The following WDR44 variants were observed in gnomAD, a reference collection of about 807,000 sequenced individuals.
WDR44 encodes the protein WD repeat domain 44.
WDR44 carries 9 observed loss-of-function variants against 65.7 expected under a neutral mutation model. That is an observed-to-expected ratio of 0.14 (90% confidence interval 0.08 to 0.24). The LOEUF (loss-of-function observed/expected upper bound fraction) is 0.24. WDR44 is among the 10% of genes least tolerant of loss of function. WDR44 has a pLI of 1.00. For missense variants in WDR44, 425 were observed against 670.9 expected, an observed-to-expected ratio of 0.63 and a Z score of 4.05; for synonymous variants, 220 against 235.2, an observed-to-expected ratio of 0.94 and a Z score of 0.59.
chrX:118,383,238 C>T (rs1211649472), intron 2 of WDR44, among the ~76,000 whole-genome samples: 3 of 111,618 alleles, frequency 2.7e-5, no homozygotes, highest in African/African-American at 6.5e-5. Flanking sequence ...AAATAGAAGT[C>T]TGATCACTGC....
intron 1 of WDR44, among the ~76,000 whole-genome samples, chrX:118,363,763 T>C (rs2147669467): frequency 8.9e-6 from 1 of 112,572 alleles, no homozygotes; most frequent in African/African-American, 3.2e-5. Flanking sequence ...TTTAACTGTA[T>C]ATACTTTCTA....
chrX:118,424,339 A>ATG (rs1556124706), intron 12 of WDR44, among the ~76,000 whole-genome samples: 7 of 85,309 alleles, frequency 8.2e-5, no homozygotes, highest in Admixed American at 2.8e-4. Context: ...ATATATATAT[A>ATG]TATATATATG....
At chrX:118,417,707 T>G (rs1255359271) in intron 12 of WDR44, among the ~76,000 whole-genome samples, 1 of 112,113 alleles carries the variant, frequency 8.9e-6, no homozygotes, top group Admixed American at 9.5e-5. Flanking sequence ...TCTTTGTGCT[T>G]CTTGTATTTG....
Position 118,421,309 on chromosome X carries a change from C to G in WDR44, c.1737+10350C>G, listed in dbSNP as rs889179053. ...GATCCTCAGCTACATCCATCTAACCCCAAACAGACCTAAGTAACTCACAAT... is the reference window on the plus strand; with the variant it reads ...GATCCTCAGCTACATCCATCTAACCGCAAACAGACCTAAGTAACTCACAAT... On this transcript the variant is annotated intron_variant, in intron 12 of 19. Transcript: ENST00000254029. Among the ~76,000 whole-genome samples, 4 of 112,036 alleles carry G rather than the reference C, an allele frequency of 3.6e-5. No individual in the cohort carries two copies. In the South Asian group the frequency reaches 1.5e-3, roughly 41 times the overall value.
At chrX:118,424,333 A>ACATATATG (rs2057137010) in intron 12 of WDR44, among the ~76,000 whole-genome samples, 2 of 88,353 alleles carry the variant, frequency 2.3e-5, no homozygotes, top group Admixed American at 2.7e-4. Flanking sequence ...GTATATATAT[A>ACATATATG]TATATATATA....
chrX:118,443,518 C>T (rs1297833974), intron 17 of WDR44, 42 bp from the exon 18 acceptor site: 3 of 1,195,067 alleles, frequency 2.5e-6, no homozygotes, highest in East Asian at 3.0e-5. Flanking sequence ...AACATATACA[C>T]ACACACATTT....
intron 1 of WDR44, among the ~76,000 whole-genome samples, chrX:118,356,726 T>C: frequency 1.1e-5 from 1 of 94,297 alleles, no homozygotes; most frequent in Admixed American, 1.2e-4. Flanking sequence ...GATTGAACAA[T>C]TTGTAATAAT....
chrX:118,432,821 C>G lies in WDR44; in HGVS notation c.1778C>G (p.Ala593Gly). 4 of 1,211,529 alleles carry G rather than the reference C, an allele frequency of 3.3e-6. No individual in the cohort carries two copies. The highest frequency in any genetic ancestry group is 4.5e-6 in the Non-Finnish European group (4 of 895,113). The stretch of plus-strand genomic sequence containing the variant: ...GATGAAGACCCTGATGATAAAAACG[C>G]ACCCTTTCGGCAACGGCCATTTTGC... Reference protein sequence around the residue: ...GTDEDPDDKNAPFRQRPFCKY... With the variant: ...GTDEDPDDKNGPFRQRPFCKY... Residue 593 changes from alanine (A) to glycine (G), a missense_variant, in exon 13 of 20, where the codon GCA becomes GGA. Transcript: ENST00000254029.
At chrX:118,400,759 G>A (rs1385529690) in intron 8 of WDR44, among the ~76,000 whole-genome samples, 8 of 106,486 alleles carry the variant, frequency 7.5e-5, no homozygotes, top group Admixed American at 2.0e-4. Context: ...ATGCTGGTGC[G>A]CTGCACCCAC....
At position 118,430,309 on chromosome X, in the gene WDR44, C is replaced by T. The variant is rs763354010; in HGVS notation, c.1738-2472C>T. Among the ~76,000 whole-genome samples, 471 of 107,186 alleles carry T rather than the reference C, an allele frequency of 4.4e-3. 1 individual carries two copies. Among genetic ancestry groups the T allele is most frequent in the African/African-American group, 0.015 (443 of 29,259 alleles). The allele number at this position is 107,186 out of a possible 115,157, so 93.1% of individuals were successfully genotyped here. Reference sequence around the variant, plus strand: ...CTGTAATCCCAGCACTTTGGGAGGCCGAGGCTGGTGGATCATGAGGTCAGG... The same window carrying T: ...CTGTAATCCCAGCACTTTGGGAGGCTGAGGCTGGTGGATCATGAGGTCAGG... On this transcript the variant is annotated intron_variant, in intron 12 of 19. Transcript: ENST00000254029.
chrX:118,357,061 G>C lies in WDR44; in HGVS notation c.77+10481G>C, dbSNP rs753549739. ...TTGGCCGGGATGGTCTCAATCTCTT[G>C]ACCTCGTGATCCTCCCACCTCGGCC... On this transcript the variant is annotated intron_variant, in intron 1 of 19. Coordinates refer to ENST00000254029, the MANE Select transcript of WDR44 (RefSeq NM_019045.5). Among the ~76,000 whole-genome samples, 3 of 109,600 alleles carry C rather than the reference G, an allele frequency of 2.7e-5. No individual in the cohort carries two copies. In the East Asian group the frequency reaches 8.5e-4, roughly 31 times the overall value.
At chrX:118,406,023 C>T (rs1379552714) in intron 9 of WDR44, among the ~76,000 whole-genome samples, 6 of 110,330 alleles carry the variant, frequency 5.4e-5, no homozygotes, top group Non-Finnish European at 1.9e-5. Flanking sequence ...TGCCTATAGT[C>T]CCAGCTACTC....
chrX:118,425,167 G>A (rs1029879993), intron 12 of WDR44, among the ~76,000 whole-genome samples: 7 of 111,845 alleles, frequency 6.3e-5, no homozygotes, highest in Admixed American at 1.9e-4. Context: ...CAGTGAGTGA[G>A]AAGGAGAGGA....
intron 12 of WDR44, among the ~76,000 whole-genome samples, chrX:118,411,581 G>C (rs142627593): frequency 9.0e-6 from 1 of 111,498 alleles, no homozygotes; most frequent in South Asian, 3.7e-4. Flanking sequence ...TTGACACTAC[G>C]TTTTCTCCTT....
chrX:118,446,476 TG>T (rs2147757913), intron 19 of WDR44, among the ~76,000 whole-genome samples: 1 of 112,000 alleles, frequency 8.9e-6, no homozygotes, highest in East Asian at 2.8e-4. Flanking sequence ...GTTTATTGAC[TG>T]TATTGTCTCA....
chrX:118,364,652 T>A (rs1030280393), intron 1 of WDR44, among the ~76,000 whole-genome samples: 1 of 112,241 alleles, frequency 8.9e-6, no homozygotes, highest in Non-Finnish European at 1.9e-5. Context: ...CTAATACAGC[T>A]CCTTCATTTT....
At chrX:118,444,214 A>AT (rs751761121) in intron 18 of WDR44, 146 bp from the exon 19 acceptor site, 96 of 616,165 alleles carry the variant, frequency 1.6e-4, no homozygotes, top group Middle Eastern at 9.7e-4. Context: ...CTTATATGTG[A>AT]TTTTTTTTAG....
At position 118,449,566 on chromosome X, in the gene WDR44, A is replaced by G. The variant is rs1171952388; in HGVS notation, c.*579A>G. ...TTTTTGTGGTCTAAATTGTGGGCTT[A>G]AGATTCTTTTCTTTATATGTGTACA... On this transcript the variant is annotated 3_prime_UTR_variant, in exon 20 of 20. Transcript: ENST00000254029. 1 of 111,102 alleles carries G rather than the reference A, an allele frequency of 9.0e-6. No homozygotes were observed. The highest frequency in any genetic ancestry group is 1.9e-5 in the Non-Finnish European group (1 of 52,918). 9.2% of individuals were successfully genotyped at this position (111,102 alleles called of 1,213,427 possible).
chrX:118,429,350 A>G (rs1039623079), intron 12 of WDR44, among the ~76,000 whole-genome samples: 2 of 111,130 alleles, frequency 1.8e-5, no homozygotes, highest in African/African-American at 6.5e-5. Context: ...GCACTTTGGG[A>G]GGCTGAGGCA....
Sources: gnomAD v4.1 joint callset for allele counts (sites outside exome capture counted in the v4.1 genomes callset) on GRCh38, gnomAD v4.1.1 for gene constraint, MANE v1.5 for transcripts, NCBI Gene and HGNC (gene_info 2026-07-23, HGNC 2026-07-21) for gene names.